Variants in ERCC2 observed in about 807,000 individuals in gnomAD.
The protein encoded by ERCC2 is general transcription and DNA repair factor IIH helicase subunit XPD.
ERCC2 carries 90 observed loss-of-function variants against 99.4 expected under a neutral mutation model. The ratio of observed to expected loss-of-function variants is 0.91; its 90% CI spans 0.76 to 1.08. ERCC2 has a LOEUF of 1.08. Ranked by LOEUF, ERCC2 falls within the 50% of genes least tolerant of loss-of-function variation. ERCC2 has a pLI of 0.00. For synonymous variants in ERCC2, 497 were observed against 432.4 expected, an observed-to-expected ratio of 1.15 and a Z score of -1.85; for missense variants, 993 against 1,038.1, an observed-to-expected ratio of 0.96 and a Z score of 0.60.
chr19:45,354,804 C>A lies in ERCC2; in HGVS notation c.1591G>T (p.Val531Phe), dbSNP rs749852903. Reference sequence around the variant, plus strand: ...AAGAAGGCCACGATGCCATCAGGGACCACAGCGGACATCTCCAGCAGGAGG... The same window carrying A: ...AAGAAGGCCACGATGCCATCAGGGAACACAGCGGACATCTCCAGCAGGAGG... ...GNLLLEMSAVVPDGIVAFFTS... is the reference protein window; with the variant it reads ...GNLLLEMSAVFPDGIVAFFTS... Residue 531 changes from valine (V) to phenylalanine (F), a missense_variant, in exon 17 of 23, where the codon GTC becomes TTC. This residue lies in a region of ERCC2 where 909 missense variants were observed against 930.8 expected (regional missense o/e 0.98). Coordinates refer to ENST00000391945, the MANE Select transcript of ERCC2 (RefSeq NM_000400.4). 7 of 1,614,128 alleles carry A rather than the reference C, an allele frequency of 4.3e-6. No homozygotes were observed. The highest frequency in any genetic ancestry group is 5.9e-6 in the Non-Finnish European group (7 of 1,179,988).
At position 45,350,572 on chromosome 19, in the gene ERCC2, G is replaced by C. The variant is rs371191877; in HGVS notation, c.*1057C>G. The C allele has an allele frequency of 2.5e-6, 4 of 1,613,750 alleles. No individual in the cohort carries two copies. Among genetic ancestry groups the C allele is most frequent in the Non-Finnish European group, 3.4e-6 (4 of 1,179,952 alleles). On this transcript the variant is annotated 3_prime_UTR_variant, in exon 23 of 23. Transcript: ENST00000391945. ...AACAGGTGAGGATGGGCTGTGCTTC[G>C]GCTCCTGGGGTGGGCGTGGGGACTG...
chr19:45,370,275 C>T (rs1568546974), intron 1 of ERCC2, 43 bp from the exon 2 acceptor site: 3 of 1,603,120 alleles, frequency 1.9e-6, no homozygotes, highest in Non-Finnish European at 2.6e-6. Flanking sequence ...CCCCTCAGCC[C>T]CTCTCCCGCC....
rs921473976 is a variant in ERCC2, at chr19:45,351,220, G to C, written c.*409C>G. The C allele has an allele frequency of 6.3e-6, 10 of 1,591,636 alleles. No individual in the cohort carries two copies. Among genetic ancestry groups the C allele is most frequent in the African/African-American group, 2.7e-5 (2 of 74,260 alleles). ...AGTTGGCTGCCAGGCTGGACCTGGA[G>C]CTGGAGGGTGGATGTAACACTTGCC... On this transcript the variant is annotated 3_prime_UTR_variant, in exon 23 of 23. Coordinates refer to ENST00000391945, the MANE Select transcript of ERCC2 (RefSeq NM_000400.4).
At chr19:45,352,910 G>C (rs1426965833) in intron 19 of ERCC2, 94 bp from the exon 20 acceptor site, 44 of 1,305,130 alleles carry the variant, frequency 3.4e-5, no homozygotes, top group Admixed American at 8.8e-5. Flanking sequence ...TGTCTGAGTT[G>C]GGGGGAGAGG....
At chr19:45,368,867 CA>C (rs1430065980) in intron 4 of ERCC2, 62 bp downstream of exon 4, 36 of 1,593,288 alleles carry the variant, frequency 2.3e-5, no homozygotes, top group Admixed American at 2.2e-4. Flanking sequence ...CGGCCACCGC[CA>C]GGGGGACCAA....
chr19:45,357,135 AGTCT>A, intron 15 of ERCC2, 131 bp downstream of exon 15: 2 of 652,130 alleles, frequency 3.1e-6, no homozygotes, highest in Non-Finnish European at 5.5e-6. Flanking sequence ...ATCAAGCCTA[AGTCT>A]GTCTGAATCC....
At chr19:45,359,455 C>T (rs3916838) in intron 12 of ERCC2, among the ~76,000 whole-genome samples, 1 of 152,154 alleles carries the variant, frequency 6.6e-6, no homozygotes, top group African/African-American at 2.4e-5. Flanking sequence ...TTCCTGGGTA[C>T]AGGAGAAACC....
Position 45,360,085 on chromosome 19 carries a change from C to CTT in ERCC2, c.1237+1437_1237+1438dup, listed in dbSNP as rs58803518. On this transcript the variant is annotated intron_variant, in intron 12 of 22. Transcript: ENST00000391945. ...CCACTATGCCAGGCCTATTTTTTTTCTTTTTTTTTTTTGAGACGGAGTCTT... is the reference window on the plus strand; with the variant it reads ...CCACTATGCCAGGCCTATTTTTTTTCTTTTTTTTTTTTTTGAGACGGAGTCTT... Among the ~76,000 whole-genome samples, 182 of 142,316 alleles carry CTT rather than the reference C, an allele frequency of 1.3e-3. 1 individual carries two copies. The highest frequency in any genetic ancestry group is 8.5e-3 in the South Asian group (38 of 4,476). The allele number at this position is 142,316 out of a possible 152,430, so 93.4% of individuals were successfully genotyped here.
intron 7 of ERCC2, 70 bp downstream of exon 7, chr19:45,364,768 C>CAGACAG (rs1972365773): frequency 7.5e-7 from 1 of 1,331,292 alleles, no homozygotes; most frequent in Admixed American, 1.7e-5. Context: ...CAGACATGGG[C>CAGACAG]AGACAGGAGA....
At chr19:45,358,406 C>T in intron 12 of ERCC2, 1 of 210,374 alleles carries the variant, frequency 4.8e-6, no homozygotes, top group Non-Finnish European at 9.7e-6. Flanking sequence ...TGCCCCCGAC[C>T]CCACGCGGGG....
rs1046159317 is a variant in ERCC2, at chr19:45,361,572, G to A, written c.1189C>T (p.Leu397Phe). ...GTGGCAAAGTTAGCAAGGAGGGTGA[G>A]CGGGGAGAAGTCAGCAAGGTCGGTG... ...EITDLADFSPLTLLANFATLV... is the reference protein window; with the variant it reads ...EITDLADFSPFTLLANFATLV... The change falls in exon 12 of 23, where the codon CTC becomes TTC. Residue 397 changes from leucine to phenylalanine, a missense_variant. This residue lies in a region of ERCC2 where 909 missense variants were observed against 930.8 expected (regional missense o/e 0.98). Coordinates refer to ENST00000391945, the MANE Select transcript of ERCC2 (RefSeq NM_000400.4). 7.4e-6 allele frequency: 12 copies of A among 1,614,082 alleles called. No homozygotes were observed. The highest frequency in any genetic ancestry group is 1.0e-5 in the Non-Finnish European group (12 of 1,179,960).
rs41548512 is a variant in ERCC2 at position 45,352,902 on chromosome 19, T to C, written c.1832-86A>G. The C allele has an allele frequency of 1.3e-4, 183 of 1,369,362 alleles. 1 individual carries two copies. The highest frequency in any genetic ancestry group is 7.5e-4 in the Admixed American group (43 of 57,404). The allele number at this position is 1,369,362 out of a possible 1,614,324, so 84.8% of individuals were successfully genotyped here. ...GCCTCACGCGACCCAGGATGCTGTGTCTGAGTTGGGGGGAGAGGGTGTGTT... is the reference window on the plus strand; with the variant it reads ...GCCTCACGCGACCCAGGATGCTGTGCCTGAGTTGGGGGGAGAGGGTGTGTT... On this transcript the variant is annotated intron_variant, in intron 19 of 22. Coordinates refer to ENST00000391945, the MANE Select transcript of ERCC2 (RefSeq NM_000400.4).
intron 17 of ERCC2, 56 bp downstream of exon 17, chr19:45,354,674 G>T (rs762891358): frequency 1.2e-6 from 2 of 1,606,410 alleles, no homozygotes; most frequent in South Asian, 1.1e-5. Context: ...CTGACATAGC[G>T]GTGCAGTGCC....
Position 45,370,518 on chromosome 19 carries a change from C to G in ERCC2, c.5+18G>C. ...CCCCGCGCCCGCTAGCGAGCGCGAC[C>G]CCCAGCCCCCTTCTCACTTCATGGC... On this transcript the variant is annotated intron_variant, in intron 1 of 22. Coordinates refer to ENST00000391945, the MANE Select transcript of ERCC2 (RefSeq NM_000400.4). 2 of 1,587,084 alleles carry G rather than the reference C, an allele frequency of 1.3e-6. No individual in the cohort carries two copies. The highest frequency in any genetic ancestry group is 1.1e-5 in the South Asian group (1 of 88,054).
intron 16 of ERCC2, among the ~76,000 whole-genome samples, chr19:45,355,272 G>A (rs1182869310): frequency 2.0e-5 from 3 of 152,200 alleles, no homozygotes; most frequent in East Asian, 1.9e-4. Flanking sequence ...CATGAGAATC[G>A]CTTGAACCCG....
At position 45,350,966 on chromosome 19, in the gene ERCC2, C is replaced by T. The variant is rs751952531; in HGVS notation, c.*663G>A. The T allele has an allele frequency of 7.4e-6, 12 of 1,614,000 alleles. No individual in the cohort carries two copies. The highest frequency in any genetic ancestry group is 2.7e-5 in the African/African-American group (2 of 74,888). On this transcript the variant is annotated 3_prime_UTR_variant, in exon 23 of 23. Transcript: ENST00000391945. ...GCCCTCTTTGCAGAATGAAGAGAGCCATGTCACTCAACACACTGAACGTGG... is the reference window on the plus strand; with the variant it reads ...GCCCTCTTTGCAGAATGAAGAGAGCTATGTCACTCAACACACTGAACGTGG...
Position 45,350,625 on chromosome 19 carries a change from C to T in ERCC2, c.*1004G>A. On this transcript the variant is annotated 3_prime_UTR_variant, in exon 23 of 23. Coordinates refer to ENST00000391945, the MANE Select transcript of ERCC2 (RefSeq NM_000400.4). ...TGGGCCTGGGGGACTGAGCAGCATC[C>T]CCGGCCCCTCCCCAGGCCCTTCGCC... is the stretch of plus-strand genomic sequence containing the variant. 6.2e-7 allele frequency: 1 copy of T among 1,613,264 alleles called. No individual in the cohort carries two copies. Among genetic ancestry groups the T allele is most frequent in the Non-Finnish European group, 8.5e-7 (1 of 1,179,394 alleles).
At chr19:45,361,084 T>TCA (rs992144349) in intron 12 of ERCC2, among the ~76,000 whole-genome samples, 2 of 145,982 alleles carry the variant, frequency 1.4e-5, no homozygotes, top group Non-Finnish European at 3.0e-5. Context: ...TGAGCCAAGA[T>TCA]CACACCACTG....
In ERCC2 at chr19:45,350,975, C is replaced by G. The variant is rs866260593; in HGVS notation, c.*654G>C. On this transcript the variant is annotated 3_prime_UTR_variant, in exon 23 of 23. Transcript: ENST00000391945. ...GCAGAATGAAGAGAGCCATGTCACT[C>G]AACACACTGAACGTGGATGCTCCAA... 2.5e-5 allele frequency: 40 copies of G among 1,614,092 alleles called. 1 individual carries two copies. The Middle Eastern group carries it at 5.1e-3, about 206-fold the overall frequency.
Sources: allele counts gnomAD v4.1 joint callset (sites outside exome capture counted in the v4.1 genomes callset), GRCh38; gene constraint gnomAD v4.1.1; regional missense constraint gnomAD v4.1.1; transcripts MANE v1.5; gene names NCBI Gene and HGNC (gene_info 2026-07-23, HGNC 2026-07-21).